Variants in KCNJ14 observed in about 807,000 individuals in gnomAD.
KCNJ14 encodes the protein potassium inwardly rectifying channel subfamily J member 14, also known as ATP-sensitive inward rectifier potassium channel 14.
In KCNJ14, 18 loss-of-function variants were observed where a neutral mutation model predicts 24.5. The ratio of observed to expected loss-of-function variants is 0.74; its 90% CI spans 0.51 to 1.09. The LOEUF (loss-of-function observed/expected upper bound fraction) is 1.09. KCNJ14 is among the 50% of genes least tolerant of loss of function. The pLI is 0.00. For synonymous variants in KCNJ14, 288 were observed against 270.8 expected, an observed-to-expected ratio of 1.06 and a Z score of -0.63; for missense variants, 633 against 623.0, an observed-to-expected ratio of 1.02 and a Z score of -0.17.
At position 48,461,770 on chromosome 19, in the gene KCNJ14, TC is replaced by T; in HGVS notation, c.47del (p.Ser16TrpfsTer49). ...ALRRLSGALD[S>X]GDSRAGDEEE... Reference sequence around the variant, plus strand: ...ACGCCGCCTCAGCGGCGCCCTGGATTCGGGAGACAGCCGGGCGGGCGATGAA... The same window carrying T: ...ACGCCGCCTCAGCGGCGCCCTGGATTGGGAGACAGCCGGGCGGGCGATGAA... On this transcript the variant is annotated frameshift_variant, in exon 2 of 3. Transcript: ENST00000342291. LOFTEE classifies it high-confidence loss of function. The T allele has an allele frequency of 6.9e-7, 1 of 1,451,342 alleles. No homozygotes were observed. The highest frequency in any genetic ancestry group is 9.1e-7 in the Non-Finnish European group (1 of 1,104,754). The allele number at this position is 1,451,342 out of a possible 1,614,324, so 89.9% of individuals were successfully genotyped here. A position where few individuals can be genotyped will look rare whatever the true frequency, so the allele number is the denominator to read the frequency against.
chr19:48,464,355 TTTGAGC>T lies in KCNJ14; in HGVS notation c.891_896del (p.Phe297_Glu298del), dbSNP rs1321322012. 1.2e-6 allele frequency: 2 copies of T among 1,613,106 alleles called. No homozygotes were observed. The highest frequency in any genetic ancestry group is 1.7e-6 in the Non-Finnish European group (2 of 1,179,598). ...ACGTGCCGAGCTGGCCAGGGCTGAC[TTTGAGC>T]TGGTGGTCATTCTCGAGGGGATGGT... is the stretch of plus-strand genomic sequence containing the variant. On this transcript the variant is annotated inframe_deletion, in exon 3 of 3. Transcript: ENST00000342291.
At chr19:48,458,678 A>G (rs1971561253) in intron 1 of KCNJ14, among the ~76,000 whole-genome samples, 1 of 152,106 alleles carries the variant, frequency 6.6e-6, no homozygotes, top group African/African-American at 2.4e-5. Context: ...GCAAAGTGTT[A>G]GGATTACAGG....
chr19:48,459,028 CAGG>C (rs1971565914), intron 1 of KCNJ14, among the ~76,000 whole-genome samples: 2 of 149,310 alleles, frequency 1.3e-5, no homozygotes, highest in African/African-American at 4.9e-5. Flanking sequence ...ATCACGAGGT[CAGG>C]AGATCGAGAC....
chr19:48,462,446 C>T lies in KCNJ14; in HGVS notation c.714+8C>T, dbSNP rs1224063010. 7 of 1,460,052 alleles carry T rather than the reference C, an allele frequency of 4.8e-6. No homozygotes were observed. The highest frequency in any genetic ancestry group is 6.3e-6 in the Non-Finnish European group (7 of 1,103,256). 90.4% of individuals were successfully genotyped at this position (1,460,052 alleles called of 1,614,324 possible). On this transcript the variant is annotated splice_region_variant and intron_variant, in intron 2 of 2. Coordinates refer to ENST00000342291, the MANE Select transcript of KCNJ14 (RefSeq NM_013348.4). The surrounding 1 kb of genome is among the most constrained non-coding windows in gnomAD (Gnocchi z 4.9). Reference sequence around the variant, plus strand: ...CGTGCCCAGCTGCTGCAGGTGCGCCCGGGAGGAGAGGCGGGGACTTCCGTG... The same window carrying T: ...CGTGCCCAGCTGCTGCAGGTGCGCCTGGGAGGAGAGGCGGGGACTTCCGTG...
At position 48,464,256 on chromosome 19, in the gene KCNJ14, G is replaced by A. The variant is rs745540997; in HGVS notation, c.790G>A (p.Asp264Asn). 35 of 1,613,944 alleles carry A rather than the reference G, an allele frequency of 2.2e-5. No homozygotes were observed. The highest frequency in any genetic ancestry group is 2.7e-5 in the Non-Finnish European group (32 of 1,180,008). The change falls in exon 3 of 3, where the codon GAT (aspartate) becomes AAT (asparagine). Residue 264 changes from aspartate to asparagine, a missense_variant. Coordinates refer to ENST00000342291, the MANE Select transcript of KCNJ14 (RefSeq NM_013348.4). ...DVDVGFDGGTDRIFLVSPITI... is the reference protein window; with the variant it reads ...DVDVGFDGGTNRIFLVSPITI... ...GGATGTGGGCTTTGATGGAGGCACC[G>A]ATCGTATCTTCCTCGTGTCCCCCAT...
At chr19:48,460,634 G>A (rs1026058486) in intron 1 of KCNJ14, among the ~76,000 whole-genome samples, 4 of 152,252 alleles carry the variant, frequency 2.6e-5, no homozygotes, top group Admixed American at 1.3e-4. Flanking sequence ...TTGCTCTGAG[G>A]TTCAAATATG....
Position 48,464,846 on chromosome 19 carries a change from C to T in KCNJ14, c.*69C>T, listed in dbSNP as rs1971641079. Reference sequence around the variant, plus strand: ...GGTAGCAAGATGGAGGGATGGGGCTCTCTCCTGGGATGGGGGCAGGTGTTC... The same window carrying T: ...GGTAGCAAGATGGAGGGATGGGGCTTTCTCCTGGGATGGGGGCAGGTGTTC... On this transcript the variant is annotated 3_prime_UTR_variant, in exon 3 of 3. Transcript: ENST00000342291. The T allele has an allele frequency of 6.0e-6, 7 of 1,176,386 alleles. No homozygotes were observed. In the Admixed American group the frequency reaches 1.3e-4, roughly 21 times the overall value. 72.9% of individuals were successfully genotyped at this position (1,176,386 alleles called of 1,614,324 possible).
chr19:48,461,843 C>A lies in KCNJ14; in HGVS notation c.119C>A (p.Pro40Gln). 3 of 1,532,162 alleles carry A rather than the reference C, an allele frequency of 2.0e-6. No homozygotes were observed. The South Asian group carries it at 3.7e-5, about 19-fold the overall frequency. The allele number at this position is 1,532,162 out of a possible 1,614,324, so 94.9% of individuals were successfully genotyped here. A position where few individuals can be genotyped will look rare whatever the true frequency, so the allele number is the denominator to read the frequency against. Residue 40 changes from proline to glutamine, a missense_variant, in exon 2 of 3, where the codon CCG becomes CAG. Coordinates refer to ENST00000342291, the MANE Select transcript of KCNJ14 (RefSeq NM_013348.4). ...TGCCGCAACGGGTGGGCGCCGGCACCGGTGCAGTCACCCGTGGGCCGGCGC... is the reference window on the plus strand; with the variant it reads ...TGCCGCAACGGGTGGGCGCCGGCACAGGTGCAGTCACCCGTGGGCCGGCGC... ...GLCRNGWAPAPVQSPVGRRRG... is the reference protein window; with the variant it reads ...GLCRNGWAPAQVQSPVGRRRG...
In KCNJ14 at chr19:48,465,816, A is replaced by C. The variant is rs1971649153; in HGVS notation, c.*1039A>C. ...GGTTCTGTAATGCCAAAAGGAATGA[A>C]GGCTCCAGGGATACAGAGTTGTCCA... is the stretch of plus-strand genomic sequence containing the variant. On this transcript the variant is annotated 3_prime_UTR_variant, in exon 3 of 3. Coordinates refer to ENST00000342291, the MANE Select transcript of KCNJ14 (RefSeq NM_013348.4). The C allele has an allele frequency of 6.6e-6, 1 of 152,658 alleles. No homozygotes were observed. Among genetic ancestry groups the C allele is most frequent in the Non-Finnish European group, 1.5e-5 (1 of 68,046 alleles). 9.5% of individuals were successfully genotyped at this position (152,658 alleles called of 1,614,324 possible). A position where few individuals can be genotyped will look rare whatever the true frequency, so the allele number is the denominator to read the frequency against.
Position 48,464,770 on chromosome 19 carries a change from C to T in KCNJ14, c.1304C>T (p.Pro435Leu), listed in dbSNP as rs768359368. Residue 435 changes from proline (P) to leucine (L), a missense_variant, in exon 3 of 3, where the codon CCT becomes CTT. Physicochemically the swap from Pro to Leu is moderately conservative, Grantham distance 98. Coordinates refer to ENST00000342291, the MANE Select transcript of KCNJ14 (RefSeq NM_013348.4). ...VLTPTLALTL[P>L]P is the part of the protein sequence containing the mutation. ...ACACCAACCCTGGCGCTGACCCTGC[C>T]TCCATGATGCAAACTGATGTCCCCT... is the stretch of plus-strand genomic sequence containing the variant. The T allele has an allele frequency of 1.2e-6, 2 of 1,600,442 alleles. No individual in the cohort carries two copies. The highest frequency in any genetic ancestry group is 2.2e-5 in the South Asian group (2 of 91,022).
chr19:48,459,781 T>C (rs1199225351), intron 1 of KCNJ14, among the ~76,000 whole-genome samples: 8 of 151,990 alleles, frequency 5.3e-5, no homozygotes, highest in Admixed American at 5.2e-4. Flanking sequence ...GTAATCCCAG[T>C]ACTTTAGGAG....
At chr19:48,463,762 C>G (rs1971626216) in intron 2 of KCNJ14, among the ~76,000 whole-genome samples, 1 of 152,206 alleles carries the variant, frequency 6.6e-6, no homozygotes, top group Non-Finnish European at 1.5e-5. Context: ...TCCTTATTTT[C>G]CGTTGTCGCT....
chr19:48,462,996 C>T lies in KCNJ14; in HGVS notation c.714+558C>T, dbSNP rs1455614661. ...CTCTAGGTGTGGGGTCCTGCGGCAT[C>T]TGTGGGAGAATTCATTCCCCACCTC... is the stretch of plus-strand genomic sequence containing the variant. On this transcript the variant is annotated intron_variant, in intron 2 of 2. Coordinates refer to ENST00000342291, the MANE Select transcript of KCNJ14 (RefSeq NM_013348.4). The surrounding 1 kb of genome is among the most constrained non-coding windows in gnomAD (Gnocchi z 4.9). 1.3e-5 allele frequency among the ~76,000 whole-genome samples: 2 copies of T among 152,184 alleles called. No individual in the cohort carries two copies. Among genetic ancestry groups the T allele is most frequent in the African/African-American group, 4.8e-5 (2 of 41,442 alleles).
chr19:48,464,540 A>G lies in KCNJ14; in HGVS notation c.1074A>G (p.Thr358=), dbSNP rs1449618605. 6.2e-7 allele frequency: 1 copy of G among 1,613,968 alleles called. No homozygotes were observed. The highest frequency in any genetic ancestry group is 2.2e-5 in the East Asian group (1 of 44,882). Reference sequence around the variant, plus strand: ...ATCGCACTTATGAGGTCCCAGGGACACCGGTCTGCAGTGCTAAGGAGCTGG... The same window carrying G: ...ATCGCACTTATGAGGTCCCAGGGACGCCGGTCTGCAGTGCTAAGGAGCTGG... ...HFHRTYEVPG[T]PVCSAKELDE... is the part of the protein sequence containing the mutation. The change falls in exon 3 of 3, where the codon ACA becomes ACG. Residue 358 remains threonine, a synonymous_variant. Coordinates refer to ENST00000342291, the MANE Select transcript of KCNJ14 (RefSeq NM_013348.4).
Position 48,462,175 on chromosome 19 carries a change from G to A in KCNJ14, c.451G>A (p.Gly151Ser). 6.4e-7 allele frequency: 1 copy of A among 1,567,750 alleles called. No homozygotes were observed. Among genetic ancestry groups the A allele is most frequent in the Non-Finnish European group, 8.6e-7 (1 of 1,157,212 alleles). The change falls in exon 2 of 3, where the codon GGC (glycine) becomes AGC (serine). Residue 151 changes from glycine (G) to serine (S), a missense_variant. Physicochemically the swap from Gly to Ser is moderately conservative, Grantham distance 56. Coordinates refer to ENST00000342291, the MANE Select transcript of KCNJ14 (RefSeq NM_013348.4). This position sits in a 1 kb window ranked among gnomAD's most constrained non-coding sequence, Gnocchi z 4.9. ...GGAGACGCAGACGTCCATCGGCTAC[G>A]GCGTGCGCAGCGTCACCGAGGAGTG... ...ALETQTSIGY[G>S]VRSVTEECPA...
intron 1 of KCNJ14, among the ~76,000 whole-genome samples, chr19:48,461,042 C>T (rs1200469477): frequency 6.6e-6 from 1 of 151,954 alleles, no homozygotes; most frequent in Non-Finnish European, 1.5e-5. Flanking sequence ...GGTGGCTGGC[C>T]AGGCGCGGTG....
At position 48,464,191 on chromosome 19, in the gene KCNJ14, C is replaced by G. The variant is rs879084431; in HGVS notation, c.725C>G (p.Thr242Ser). Residue 242 changes from threonine (T) to serine (S), a missense_variant, in exon 3 of 3, where the codon ACC (threonine) becomes AGC (serine). By Grantham distance (58) the Thr-to-Ser change is moderately conservative (BLOSUM62 1). Transcript: ENST00000342291. ...VRAQLLQPRV[T>S]PEGEYIPLDH... ...CGCCTCCTGCTGCAGCCCCGTGTGACCCCAGAGGGTGAGTACATCCCGCTG... is the reference window on the plus strand; with the variant it reads ...CGCCTCCTGCTGCAGCCCCGTGTGAGCCCAGAGGGTGAGTACATCCCGCTG... 1 of 1,613,660 alleles carries G rather than the reference C, an allele frequency of 6.2e-7. No individual in the cohort carries two copies. The highest frequency in any genetic ancestry group is 8.5e-7 in the Non-Finnish European group (1 of 1,179,624).
rs113573784 is a variant in KCNJ14, at chr19:48,461,009, TA to T, written c.-55-651del. Among the ~76,000 whole-genome samples the T allele has an allele frequency of 5.7e-4, 85 of 148,608 alleles. 3 individuals are homozygous for T. Among genetic ancestry groups the T allele is most frequent in the African/African-American group, 1.4e-3 (56 of 40,462 alleles). On this transcript the variant is annotated intron_variant, in intron 1 of 2. Coordinates refer to ENST00000342291, the MANE Select transcript of KCNJ14 (RefSeq NM_013348.4). Reference sequence around the variant, plus strand: ...TGTCTCTATAATATAAAAATTAAATTAAAAAAAAAATTTAAAAAAGAAGGTG... The same window carrying T: ...TGTCTCTATAATATAAAAATTAAATTAAAAAAAAATTTAAAAAAGAAGGTG...
rs769909431 is a variant in KCNJ14 at position 48,462,026 on chromosome 19, G to A, written c.302G>A (p.Trp101Ter). Residue 101 changes from tryptophan (W) to a stop codon, truncating the protein, a stop_gained, in exon 2 of 3, where the codon TGG (tryptophan) becomes TAG (stop). Transcript: ENST00000342291. LOFTEE classifies it high-confidence loss of function. This position sits in a 1 kb window ranked among gnomAD's most constrained non-coding sequence, Gnocchi z 4.9. ...TTCTCCTGCTCCTTCCTCGCCTCCT[G>A]GCTGCTCTTCGGCCTGGCCTTCTGG... ...LLFSCSFLASWLLFGLAFWLI... is the reference protein window; with the variant it reads ...LLFSCSFLAS 7 of 1,612,234 alleles carry A rather than the reference G, an allele frequency of 4.3e-6. No homozygotes were observed. The highest frequency in any genetic ancestry group is 5.9e-6 in the Non-Finnish European group (7 of 1,179,702).
Sources: gnomAD v4.1 joint callset for allele counts (sites outside exome capture counted in the v4.1 genomes callset) on GRCh38, gnomAD v4.1.1 for gene constraint, Gnocchi (gnomAD v3.1) non-coding constraint, MANE v1.5 for transcripts, NCBI Gene and HGNC (gene_info 2026-07-23, HGNC 2026-07-21) for gene names.